Variants in RPS6KL1 observed in about 807,000 individuals in gnomAD.
RPS6KL1 encodes ribosomal protein S6 kinase-like 1.
In RPS6KL1, 41 loss-of-function variants were observed where a neutral mutation model predicts 57.0. The observed-to-expected ratio is 0.72, with a 90% CI of 0.56 to 0.93. The LOEUF (loss-of-function observed/expected upper bound fraction) is 0.93. RPS6KL1 is among the 40% of genes least tolerant of loss of function. The probability of loss-of-function intolerance (pLI) is 0.00; values close to 1 mark genes in which losing one functional copy is unlikely to be tolerated. For missense variants in RPS6KL1, 697 were observed against 727.7 expected (o/e 0.96, Z 0.49); for synonymous variants, 287 against 309.7 (o/e 0.93, Z 0.77).
Position 74,919,827 on chromosome 14 carries a change from T to TGGG in RPS6KL1, c.390+15_390+17dup, listed in dbSNP as rs60425478. 6.0e-3 allele frequency: 9,545 copies of TGGG among 1,584,908 alleles called. 7 individuals carry two copies. The highest frequency in any genetic ancestry group is 7.1e-3 in the Non-Finnish European group (8,230 of 1,160,078). ...CCCTCCTCCCGCTCAGGCCTTTGGG[T>TGGG]GGGGGGGGTCTCCTCACCGCGCTGG... On this transcript the variant is annotated intron_variant, in intron 4 of 11. Coordinates refer to ENST00000557413, the MANE Select transcript of RPS6KL1 (RefSeq NM_031464.5).
intron 5 of RPS6KL1, among the ~76,000 whole-genome samples, chr14:74,915,078 A>T (rs147023967): frequency 7.9e-5 from 12 of 152,216 alleles, no homozygotes; most frequent in Non-Finnish European, 1.3e-4. Context: ...GCACTGTCCA[A>T]TTGAACTTCT....
At position 74,918,401 on chromosome 14, in the gene RPS6KL1, G is replaced by A. The variant is rs1887219070; in HGVS notation, c.483+112C>T. 1.5e-5 allele frequency: 11 copies of A among 740,202 alleles called. No homozygotes were observed. In the South Asian group the frequency reaches 1.8e-4, roughly 12 times the overall value. The allele number at this position is 740,202 out of a possible 1,614,324, so 45.9% of individuals were successfully genotyped here. ...ACCCCTGCCCACCTCCTCTGGAGGA[G>A]TGGGGGCCACTGCTACAGACCTGCT... On this transcript the variant is annotated intron_variant, in intron 5 of 11. Coordinates refer to ENST00000557413, the MANE Select transcript of RPS6KL1 (RefSeq NM_031464.5).
In RPS6KL1 at chr14:74,921,579, A is replaced by G; in HGVS notation, c.-20-18T>C. On this transcript the variant is annotated intron_variant, in intron 2 of 11. Coordinates refer to ENST00000557413, the MANE Select transcript of RPS6KL1 (RefSeq NM_031464.5). ...GCTGGGACCTGGAATGGGCAAATGC[A>G]TTAGGGAGGACCTAGCTGGTAGCAA... The G allele has an allele frequency of 6.2e-7, 1 of 1,601,978 alleles. No homozygotes were observed. Among genetic ancestry groups the G allele is most frequent in the Non-Finnish European group, 8.5e-7 (1 of 1,174,504 alleles).
chr14:74,913,200 C>A (rs1169321420), intron 5 of RPS6KL1, among the ~76,000 whole-genome samples: 1 of 152,202 alleles, frequency 6.6e-6, no homozygotes, highest in Admixed American at 6.5e-5. Context: ...TTCTCATCTA[C>A]CAACCAGGAA....
intron 5 of RPS6KL1, among the ~76,000 whole-genome samples, chr14:74,916,925 G>A (rs192628411): frequency 1.2e-3 from 182 of 152,286 alleles, no homozygotes; most frequent in African/African-American, 3.8e-3. Flanking sequence ...CAACACCTAT[G>A]GTTCAGCGGG....
Position 74,919,827 on chromosome 14 carries a change from T to TA in RPS6KL1, c.390+17_390+18insT. On this transcript the variant is annotated intron_variant, in intron 4 of 11. Transcript: ENST00000557413. ...CCCTCCTCCCGCTCAGGCCTTTGGG[T>TA]GGGGGGGGTCTCCTCACCGCGCTGG... 2 of 1,586,444 alleles carry TA rather than the reference T, an allele frequency of 1.3e-6. No homozygotes were observed. The highest frequency in any genetic ancestry group is 1.1e-5 in the South Asian group (1 of 90,096).
At chr14:74,920,491 G>A (rs1887650025) in intron 3 of RPS6KL1, among the ~76,000 whole-genome samples, 1 of 152,172 alleles carries the variant, frequency 6.6e-6, no homozygotes, top group African/African-American at 2.4e-5. Context: ...TGGCCACCAG[G>A]GCCCACAGGC....
At position 74,906,931 on chromosome 14, in the gene RPS6KL1, G is replaced by T; in HGVS notation, c.*83C>A. ...TCCTCGCCCAAAGCCCGCTGATAGAGGGCCAGCCCTGGGTTGGGTGTCAGG... is the reference window on the plus strand; with the variant it reads ...TCCTCGCCCAAAGCCCGCTGATAGATGGCCAGCCCTGGGTTGGGTGTCAGG... On this transcript the variant is annotated 3_prime_UTR_variant, in exon 12 of 12. Transcript: ENST00000557413. 9.9e-7 allele frequency: 1 copy of T among 1,014,342 alleles called. No homozygotes were observed. Among genetic ancestry groups the T allele is most frequent in the Non-Finnish European group, 1.5e-6 (1 of 652,108 alleles). 62.8% of individuals were successfully genotyped at this position (1,014,342 alleles called of 1,614,324 possible).
chr14:74,909,430 T>C (rs1303621701), intron 8 of RPS6KL1, 113 bp downstream of exon 8: 2 of 1,386,720 alleles, frequency 1.4e-6, no homozygotes, highest in African/African-American at 2.9e-5. Context: ...AAAGGCTGGC[T>C]GGGGCCAGGG....
intron 3 of RPS6KL1, among the ~76,000 whole-genome samples, chr14:74,920,310 A>G (rs1031990270): frequency 2.6e-5 from 4 of 152,222 alleles, no homozygotes; most frequent in South Asian, 2.1e-4. Flanking sequence ...AGGAGGGGAT[A>G]GAAGATTCCA....
chr14:74,919,333 G>A (rs1887398188), intron 4 of RPS6KL1, among the ~76,000 whole-genome samples: 1 of 152,244 alleles, frequency 6.6e-6, no homozygotes, highest in South Asian at 2.1e-4. Context: ...CGCAACCGTG[G>A]GGTAAGAAGC....
Position 74,906,948 on chromosome 14 carries a change from G to T in RPS6KL1, c.*66C>A. The T allele has an allele frequency of 8.2e-7, 1 of 1,219,344 alleles. No homozygotes were observed. Among genetic ancestry groups the T allele is most frequent in the Non-Finnish European group, 1.2e-6 (1 of 828,058 alleles). 75.5% of individuals were successfully genotyped at this position (1,219,344 alleles called of 1,614,324 possible). Reference sequence around the variant, plus strand: ...CTGATAGAGGGCCAGCCCTGGGTTGGGTGTCAGGCAAGGAGGAGAGGCGAT... The same window carrying T: ...CTGATAGAGGGCCAGCCCTGGGTTGTGTGTCAGGCAAGGAGGAGAGGCGAT... On this transcript the variant is annotated 3_prime_UTR_variant, in exon 12 of 12. Coordinates refer to ENST00000557413, the MANE Select transcript of RPS6KL1 (RefSeq NM_031464.5).
rs1323898336 is a variant in RPS6KL1 at position 74,909,591 on chromosome 14, C to T, written c.1222G>A (p.Val408Met). The stretch of plus-strand genomic sequence containing the variant: ...CCGGGGTGGAGGTCCCGGCACAGCA[C>T]CCCCTGCTCGTGCAGCGCCTCCAGC... ...VALEALHEQG[V>M]LCRDLHPGNL... The change falls in exon 8 of 12, where the codon GTG becomes ATG. Residue 408 changes from valine to methionine, a missense_variant. Physicochemically the swap from Val to Met is conservative, Grantham distance 21 (BLOSUM62 1). Transcript: ENST00000557413. The T allele has an allele frequency of 6.2e-6, 10 of 1,612,198 alleles. No homozygotes were observed. In the East Asian group the frequency reaches 6.7e-5, roughly 11 times the overall value.
Position 74,906,541 on chromosome 14 carries a change from T to C in RPS6KL1, c.*473A>G. The C allele has an allele frequency of 1.9e-6, 1 of 522,372 alleles. No individual in the cohort carries two copies. The highest frequency in any genetic ancestry group is 3.9e-6 in the Non-Finnish European group (1 of 254,524). 32.4% of individuals were successfully genotyped at this position (522,372 alleles called of 1,614,324 possible). ...GGAAGAGGCCTACTCGCTGTGTGAC[T>C]AAGAGGACTAGCCAGGACAGTCTGG... On this transcript the variant is annotated 3_prime_UTR_variant, in exon 12 of 12. Transcript: ENST00000557413.
chr14:74,921,238 T>TTGCCCCCCCCCCCCCCCC, intron 3 of RPS6KL1, 39 bp downstream of exon 3: 1 of 840,178 alleles, frequency 1.2e-6, no homozygotes. Context: ...CACTGGCCCT[T>TTGCCCCCCCCCCCCCCCC]CCCCACCCAC....
At chr14:74,916,255 C>T (rs957404382) in intron 5 of RPS6KL1, among the ~76,000 whole-genome samples, 1 of 152,146 alleles carries the variant, frequency 6.6e-6, no homozygotes, top group African/African-American at 2.4e-5. Flanking sequence ...GCAGTAACAC[C>T]TTTCCTAATT....
Position 74,907,499 on chromosome 14 carries a change from T to C in RPS6KL1, c.1475A>G (p.Gln492Arg). 1 of 1,584,284 alleles carries C rather than the reference T, an allele frequency of 6.3e-7. No individual in the cohort carries two copies. Among genetic ancestry groups the C allele is most frequent in the Non-Finnish European group, 8.6e-7 (1 of 1,165,180 alleles). Residue 492 changes from glutamine to arginine, a missense_variant, in exon 11 of 12, where the codon CAG (glutamine) becomes CGG (arginine). By Grantham distance (43) the Gln-to-Arg change is conservative (BLOSUM62 1). Transcript: ENST00000557413. ...GGGCAGCTGGAGCTGGGTGTGGGCC[T>C]GGATTCCTGAAGGGTGGCTCTGGGA... ...ALSQSHPSGI[Q>R]AHTQLQLPEW... is the part of the protein sequence containing the mutation.
rs1287008358 is a variant in RPS6KL1, at chr14:74,921,424, C to G, written c.118G>C (p.Gly40Arg). ...LEQIRNRVAL[G>R]VPDMTKRDYL... ...TCACGTTTTGTCATGTCAGGCACTC[C>G]CAGAGCCACCCTGTTGCGAATCTGC... The change falls in exon 3 of 12, where the codon GGA becomes CGA. Residue 40 changes from glycine (G) to arginine (R), a missense_variant. Transcript: ENST00000557413. 1.9e-6 allele frequency: 3 copies of G among 1,614,268 alleles called. No individual in the cohort carries two copies. Among genetic ancestry groups the G allele is most frequent in the South Asian group, 1.1e-5 (1 of 91,090 alleles).
chr14:74,918,716 G>A, intron 4 of RPS6KL1, 111 bp from the exon 5 acceptor site: 1 of 770,920 alleles, frequency 1.3e-6, no homozygotes, highest in South Asian at 1.8e-5. Flanking sequence ...AGAACAGCTG[G>A]GAGGGCAGGG....
Sources: gnomAD v4.1 joint callset for allele counts (sites outside exome capture counted in the v4.1 genomes callset) on GRCh38, gnomAD v4.1.1 for gene constraint, MANE v1.5 for transcripts, NCBI Gene and HGNC (gene_info 2026-07-23, HGNC 2026-07-21) for gene names.